The following GALC variants were observed in gnomAD, a reference collection of about 807,000 sequenced individuals.
GALC encodes galactocerebrosidase.
Under a neutral mutation model 91.8 loss-of-function variants are expected in GALC, and 77 were observed. That is an observed-to-expected ratio of 0.84 (90% CI 0.70 to 1.01). The LOEUF (loss-of-function observed/expected upper bound fraction) is 1.01, where lower values mean the gene tolerates loss of function less well. GALC is among the 50% of genes least tolerant of loss of function. The pLI, the probability that GALC is intolerant of heterozygous loss-of-function variation, is 0.00. For synonymous variants in GALC, 357 were observed against 306.7 expected (o/e 1.16, Z -1.71); for missense variants, 882 against 855.9 (o/e 1.03, Z -0.38).
chr14:87,977,914 T>C (rs1886571471), intron 6 of GALC, among the ~76,000 whole-genome samples: 1 of 152,192 alleles, frequency 6.6e-6, no homozygotes, highest in Non-Finnish European at 1.5e-5. Context: ...ACTGGATCAG[T>C]TGAGTTCTAG....
At chr14:87,963,602 T>C in intron 9 of GALC, 91 bp from the exon 10 acceptor site, 2 of 1,077,590 alleles carry the variant, frequency 1.9e-6, no homozygotes, top group Non-Finnish European at 2.8e-6. Context: ...TCAATTTGAG[T>C]CTGATTCATC....
chr14:87,960,669 C>T (rs1366131602), intron 10 of GALC, among the ~76,000 whole-genome samples: 15 of 152,076 alleles, frequency 9.9e-5, no homozygotes. Context: ...TAGAAATAAA[C>T]CCTCAAATTT....
chr14:87,943,576 C>A (rs950244870), intron 14 of GALC, among the ~76,000 whole-genome samples: 4 of 152,008 alleles, frequency 2.6e-5, no homozygotes, highest in Admixed American at 2.0e-4. Flanking sequence ...ACAGACCCGG[C>A]TTCTAGCCCT....
intron 8 of GALC, 53 bp downstream of exon 8, chr14:87,968,280 CTT>C: frequency 6.9e-7 from 1 of 1,448,836 alleles, no homozygotes; most frequent in Non-Finnish European, 9.6e-7. Flanking sequence ...TTTTCTAACT[CTT>C]ATGTTTTTAA....
Position 87,992,989 on chromosome 14 carries a change from C to T in GALC, c.176G>A (p.Gly59Asp). The T allele has an allele frequency of 6.5e-7, 1 of 1,532,372 alleles. No homozygotes were observed. Among genetic ancestry groups the T allele is most frequent in the East Asian group, 2.6e-5 (1 of 38,406 alleles). 94.9% of individuals were successfully genotyped at this position (1,532,372 alleles called of 1,614,324 possible). A position where few individuals can be genotyped will look rare whatever the true frequency, so the allele number is the denominator to read the frequency against. ...DGLGREFDGI[G>D]AVSGGGATSR... Reference sequence around the variant, plus strand: ...GCTCACCCCGCCGCCGCTGACCGCGCCGATGCCGTCGAACTCCCGGCCCAG... The same window carrying T: ...GCTCACCCCGCCGCCGCTGACCGCGTCGATGCCGTCGAACTCCCGGCCCAG... The change falls in exon 1 of 17, where the codon GGC (glycine) becomes GAC (aspartate). Residue 59 changes from glycine to aspartate, a missense_variant. By Grantham distance (94) the Gly-to-Asp change is moderately conservative. Transcript: ENST00000261304.
intron 6 of GALC, among the ~76,000 whole-genome samples, chr14:87,980,072 C>T (rs962740481): frequency 6.6e-6 from 1 of 152,062 alleles, no homozygotes; most frequent in African/African-American, 2.4e-5. Flanking sequence ...ACGCCTACAA[C>T]TACAGATTAA....
chr14:87,960,396 T>C (rs1044638139), intron 10 of GALC, among the ~76,000 whole-genome samples: 3 of 152,126 alleles, frequency 2.0e-5, no homozygotes, highest in African/African-American at 7.2e-5. Context: ...ACAAAACAGC[T>C]AGAAGAGAGG....
intron 10 of GALC, among the ~76,000 whole-genome samples, chr14:87,952,241 A>T (rs942655544): frequency 2.0e-5 from 3 of 151,916 alleles, no homozygotes; most frequent in African/African-American, 4.8e-5. Flanking sequence ...CCAGACTAAT[A>T]AAAAATCAGG....
In GALC at chr14:87,977,044, G is replaced by GTA. The variant is rs59046532; in HGVS notation, c.622-557_622-556insTA. On this transcript the variant is annotated intron_variant, in intron 6 of 16. Coordinates refer to ENST00000261304, the MANE Select transcript of GALC (RefSeq NM_000153.4). The stretch of plus-strand genomic sequence containing the variant: ...AACCATAGAAATATGGGGGGGGGGG[G>GTA]ATGAAACAAAAATAATCAAATGGTA... 9.6e-5 allele frequency among the ~76,000 whole-genome samples: 12 copies of GTA among 124,724 alleles called. No individual in the cohort carries two copies. The East Asian group carries it at 1.1e-3, about 11-fold the overall frequency. 81.8% of individuals were successfully genotyped at this position (124,724 alleles called of 152,430 possible). A position where few individuals can be genotyped will look rare whatever the true frequency, so the allele number is the denominator to read the frequency against.
intron 2 of GALC, 30 bp from the exon 3 acceptor site, chr14:87,988,237 GTGT>G: frequency 6.4e-7 from 1 of 1,570,068 alleles, no homozygotes; most frequent in Non-Finnish European, 8.8e-7. Flanking sequence ...TATTAACATA[GTGT>G]TGTATTGTAT....
intron 10 of GALC, chr14:87,955,187 C>G: frequency 8.1e-7 from 1 of 1,238,158 alleles, no homozygotes; most frequent in Non-Finnish European, 1.2e-6. Flanking sequence ...AAGCATGGAG[C>G]CGATGCCCTT....
chr14:87,942,602 C>G (rs1203528082), intron 14 of GALC, among the ~76,000 whole-genome samples: 1 of 152,010 alleles, frequency 6.6e-6, no homozygotes, highest in Non-Finnish European at 1.5e-5. Flanking sequence ...AGCAATATAT[C>G]TCACATAAAA....
chr14:87,970,805 C>T (rs1886261241), intron 7 of GALC, among the ~76,000 whole-genome samples: 1 of 144,124 alleles, frequency 6.9e-6, no homozygotes, highest in Non-Finnish European at 1.5e-5. Context: ...GGAGGCAAAG[C>T]TTGCAGTGAG....
intron 14 of GALC, among the ~76,000 whole-genome samples, chr14:87,942,384 T>G (rs1027833718): frequency 3.9e-5 from 6 of 152,018 alleles, no homozygotes; most frequent in African/African-American, 1.4e-4. Context: ...TGGGAAAAGA[T>G]TCAGCTGTCC....
chr14:87,953,298 T>C, intron 10 of GALC: 3 of 1,483,402 alleles, frequency 2.0e-6, no homozygotes, highest in Non-Finnish European at 2.8e-6. Context: ...ATAAAGGGAA[T>C]GTAAACATGG....
Position 87,960,782 on chromosome 14 carries a change from G to T in GALC, c.1161+2602C>A, listed in dbSNP as rs1885771366. Among the ~76,000 whole-genome samples the T allele has an allele frequency of 2.0e-5, 3 of 152,078 alleles. No homozygotes were observed. In the South Asian group the frequency reaches 6.2e-4, roughly 32 times the overall value. ...GACAACTGGATATTAAAATGCAAGAGAATCAAGTTGGACACACATATAACC... is the reference window on the plus strand; with the variant it reads ...GACAACTGGATATTAAAATGCAAGATAATCAAGTTGGACACACATATAACC... On this transcript the variant is annotated intron_variant, in intron 10 of 16. Transcript: ENST00000261304.
Position 87,954,836 on chromosome 14 carries a change from A to G in GALC, c.1162-4088T>C, listed in dbSNP as rs553692031. ...CTAGAAACAGATAAGAACAGGATCT[A>G]CAAACAATGTTTTAGCTGCTTGCCA... is the stretch of plus-strand genomic sequence containing the variant. On this transcript the variant is annotated intron_variant, in intron 10 of 16. Coordinates refer to ENST00000261304, the MANE Select transcript of GALC (RefSeq NM_000153.4). 3.7e-4 allele frequency: 587 copies of G among 1,606,520 alleles called. 4 individuals carry two copies. In the South Asian group the frequency reaches 6.2e-3, roughly 17 times the overall value.
At chr14:87,993,245 G>T, upstream of GALC, 1 of 1,542,812 alleles carries the variant, frequency 6.5e-7, no homozygotes. Flanking sequence ...GGCCGCTGAT[G>T]CTGACGCCGC....
intron 13 of GALC, 62 bp downstream of exon 13, chr14:87,947,666 A>G: frequency 6.7e-7 from 1 of 1,498,594 alleles, no homozygotes; most frequent in Non-Finnish European, 9.3e-7. Flanking sequence ...TTTGACAGGT[A>G]GAAATCAACA....
Sources: allele counts gnomAD v4.1 joint callset (sites outside exome capture counted in the v4.1 genomes callset), GRCh38; gene constraint gnomAD v4.1.1; transcripts MANE v1.5; gene names NCBI Gene and HGNC (gene_info 2026-07-23, HGNC 2026-07-21).